The following FOXN3 variants were observed in gnomAD, a reference collection of about 807,000 sequenced individuals.
The protein encoded by FOXN3 is forkhead box N3.
A neutral mutation model predicts 38.4 loss-of-function variants in FOXN3; 7 were observed. The ratio of observed to expected loss-of-function variants is 0.18; its 90% CI spans 0.10 to 0.34. The LOEUF (loss-of-function observed/expected upper bound fraction) is 0.34, where lower values mean the gene tolerates loss of function less well. FOXN3 is among the 10% of genes least tolerant of loss of function. The pLI, the probability that FOXN3 is intolerant of heterozygous loss-of-function variation, is 1.00. For missense variants in FOXN3, 456 were observed against 613.4 expected (o/e 0.74, Z 2.71); for synonymous variants, 230 against 242.2 (o/e 0.95, Z 0.47).
intron 1 of FOXN3, among the ~76,000 whole-genome samples, chr14:89,451,887 CGACCCCA>C (rs1489770495): frequency 1.3e-5 from 2 of 151,772 alleles, no homozygotes; most frequent in Non-Finnish European, 2.9e-5. Flanking sequence ...GGAATCATAC[CGACCCCA>C]GAGGAAGGCA....
At chr14:89,290,333 G>C in intron 3 of FOXN3, 1 of 373,116 alleles carries the variant, frequency 2.7e-6, no homozygotes, top group Non-Finnish European at 5.3e-6. Flanking sequence ...ACAGTCTAAT[G>C]CATCTTCCCC....
intron 1 of FOXN3, among the ~76,000 whole-genome samples, chr14:89,596,537 C>T (rs1248347417): frequency 6.6e-6 from 1 of 152,142 alleles, no homozygotes; most frequent in African/African-American, 2.4e-5. Context: ...ATTCTCCTGG[C>T]CTCTTGAAAC....
intron 1 of FOXN3, among the ~76,000 whole-genome samples, chr14:89,572,996 G>A (rs1895525369): frequency 6.6e-6 from 1 of 152,206 alleles, no homozygotes; most frequent in African/African-American, 2.4e-5. Flanking sequence ...CCACAAAGGT[G>A]GTCCTGTTTC....
intron 4 of FOXN3, among the ~76,000 whole-genome samples, chr14:89,251,007 T>C (rs1043565183): frequency 6.6e-6 from 1 of 152,208 alleles, no homozygotes; most frequent in Non-Finnish European, 1.5e-5. Flanking sequence ...GGTATGTCTT[T>C]ATTAGTAGTG....
chr14:89,553,768 C>T (rs137894204), intron 1 of FOXN3, among the ~76,000 whole-genome samples: 233 of 152,262 alleles, frequency 1.5e-3, no homozygotes, highest in African/African-American at 5.2e-3. Context: ...TAAAGACTGG[C>T]AGATCAAGGG....
rs377305627 is a variant in FOXN3, at chr14:89,277,196, C to T, written c.745+3754G>A. Among the ~76,000 whole-genome samples the T allele has an allele frequency of 7.2e-5, 11 of 152,162 alleles. No homozygotes were observed. The South Asian group carries it at 1.7e-3, about 23-fold the overall frequency. Reference sequence around the variant, plus strand: ...AAGAGAGATTAGTAAATGAATTAAACGAATAAAATAAAGAACACGTTTCAA... The same window carrying T: ...AAGAGAGATTAGTAAATGAATTAAATGAATAAAATAAAGAACACGTTTCAA... On this transcript the variant is annotated intron_variant, in intron 4 of 5. Transcript: ENST00000557258.
chr14:89,205,757 G>A lies in FOXN3; in HGVS notation c.746-24951C>T, dbSNP rs116987530. Among the ~76,000 whole-genome samples the A allele has an allele frequency of 1.4e-4, 21 of 152,334 alleles. No individual in the cohort carries two copies. In the East Asian group the frequency reaches 3.9e-3, roughly 28 times the overall value. On this transcript the variant is annotated intron_variant, in intron 4 of 5. Coordinates refer to ENST00000557258, the MANE Select transcript of FOXN3 (RefSeq NM_005197.4). ...ACTGAAAGAGCGCCCTGTAACACACGCCCACCGGGGCTTCGGGAGCTGTAA... is the reference window on the plus strand; with the variant it reads ...ACTGAAAGAGCGCCCTGTAACACACACCCACCGGGGCTTCGGGAGCTGTAA...
At chr14:89,483,670 A>G (rs559027587) in intron 1 of FOXN3, among the ~76,000 whole-genome samples, 1 of 152,220 alleles carries the variant, frequency 6.6e-6, no homozygotes, top group African/African-American at 2.4e-5. Flanking sequence ...GGCCTCCCAA[A>G]GTGCTGGGAT....
At chr14:89,529,357 A>G (rs375074) in intron 1 of FOXN3, among the ~76,000 whole-genome samples, 32,565 of 152,206 alleles carry the variant, frequency 0.21, 4,153 homozygotes, top group East Asian at 0.59. Flanking sequence ...CCCCTGGCAC[A>G]CAACAGAAGT....
At chr14:89,566,252 G>A (rs77952376) in intron 1 of FOXN3, among the ~76,000 whole-genome samples, 11 of 152,200 alleles carry the variant, frequency 7.2e-5, no homozygotes, top group African/African-American at 2.6e-4. Context: ...TACTGTCACT[G>A]ACTCTTTTAA....
intron 4 of FOXN3, among the ~76,000 whole-genome samples, chr14:89,269,465 C>CTTGCTT (rs1053624089): frequency 6.6e-6 from 1 of 151,576 alleles, no homozygotes; most frequent in African/African-American, 2.4e-5. Flanking sequence ...CTTTTGGTCA[C>CTTGCTT]TTGCTTTTTG....
intron 2 of FOXN3, among the ~76,000 whole-genome samples, chr14:89,367,448 A>G (rs1890191625): frequency 6.6e-6 from 1 of 152,218 alleles, no homozygotes; most frequent in African/African-American, 2.4e-5. Context: ...TAACATTGTC[A>G]GTGTTATCGA....
intron 1 of FOXN3, among the ~76,000 whole-genome samples, chr14:89,596,675 G>A (rs746377027): frequency 3.5e-4 from 53 of 152,072 alleles, no homozygotes; most frequent in Middle Eastern, 3.2e-3. Context: ...TTCCTTATGG[G>A]AAACTTTGTA....
intron 3 of FOXN3, among the ~76,000 whole-genome samples, chr14:89,322,452 G>A (rs1887923084): frequency 6.6e-6 from 1 of 152,196 alleles, no homozygotes. Flanking sequence ...CTACTGAGAA[G>A]AGATGCCTTT....
At chr14:89,260,257 G>C (rs1885754844) in intron 4 of FOXN3, among the ~76,000 whole-genome samples, 1 of 152,206 alleles carries the variant, frequency 6.6e-6, no homozygotes, top group African/African-American at 2.4e-5. Context: ...TTTCAAATGT[G>C]ATCAACAAGG....
At chr14:89,290,225 C>T in intron 3 of FOXN3, 3 of 298,984 alleles carry the variant, frequency 1.0e-5, no homozygotes, top group South Asian at 3.4e-5. Context: ...GGATCCATCC[C>T]ATGCTGTCTT....
intron 1 of FOXN3, among the ~76,000 whole-genome samples, chr14:89,565,171 G>A (rs909688544): frequency 6.6e-6 from 1 of 151,334 alleles, no homozygotes; most frequent in Non-Finnish European, 1.5e-5. Context: ...TGATGATGGA[G>A]GCAGAGACTG....
At chr14:89,474,011 G>A (rs1893161633) in intron 1 of FOXN3, among the ~76,000 whole-genome samples, 1 of 152,130 alleles carries the variant, frequency 6.6e-6, no homozygotes, top group Non-Finnish European at 1.5e-5. Context: ...TTGCAATGCA[G>A]TCTAAGAAAG....
At chr14:89,521,182 T>C (rs992749482) in intron 1 of FOXN3, among the ~76,000 whole-genome samples, 1 of 151,976 alleles carries the variant, frequency 6.6e-6, no homozygotes, top group Non-Finnish European at 1.5e-5. Flanking sequence ...TGGTGGTGCG[T>C]GCCTGTAATC....
Sources: gnomAD v4.1 joint callset for allele counts (sites outside exome capture counted in the v4.1 genomes callset) on GRCh38, gnomAD v4.1.1 for gene constraint, MANE v1.5 for transcripts, NCBI Gene and HGNC (gene_info 2026-07-23, HGNC 2026-07-21) for gene names.